Variants in SLC12A7 observed in about 807,000 individuals in gnomAD.
SLC12A7 encodes the protein solute carrier family 12 member 7.
Under a neutral mutation model 120.6 loss-of-function variants are expected in SLC12A7, and 100 were observed. The observed-to-expected ratio is 0.83, with a 90% CI of 0.71 to 0.98. The LOEUF (loss-of-function observed/expected upper bound fraction) is 0.98. Among genes scored for constraint, SLC12A7 ranks in the 50% least tolerant of loss-of-function variants. The probability of loss-of-function intolerance (pLI) is 0.00; values close to 1 mark genes in which losing one functional copy is unlikely to be tolerated. For synonymous variants in SLC12A7, 760 were observed against 678.0 expected (o/e 1.12, Z -1.88); for missense variants, 1,373 against 1,548.1 (o/e 0.89, Z 1.90).
rs113012432 is a variant in SLC12A7, at chr5:1,103,925, G to A, written c.124+7943C>T. Among the ~76,000 whole-genome samples, 1,430 of 152,330 alleles carry A rather than the reference G, an allele frequency of 9.4e-3. 18 individuals carry two copies. Among genetic ancestry groups the A allele is most frequent in the African/African-American group, 0.032 (1,342 of 41,564 alleles). On this transcript the variant is annotated intron_variant, in intron 1 of 23. Coordinates refer to ENST00000264930, the MANE Select transcript of SLC12A7 (RefSeq NM_006598.3). ...GACGTCTGAGCCATGGAGGGGCCGT[G>A]GGGTCCCCTAGTTCCAGAGACTCGG... is the stretch of plus-strand genomic sequence containing the variant.
chr5:1,111,952 C>T lies in SLC12A7; in HGVS notation c.40G>A (p.Ala14Thr). The change falls in exon 1 of 24, where the codon GCC becomes ACC. Residue 14 changes from alanine (A) to threonine (T), a missense_variant. Physicochemically the swap from Ala to Thr is moderately conservative, Grantham distance 58 (BLOSUM62 0). Coordinates refer to ENST00000264930, the MANE Select transcript of SLC12A7 (RefSeq NM_006598.3). ...GCAGTCTCGTCCCCGCCGCCGTCGG[C>T]GTGAGCCTCCACGGGCACCACGGTG... Reference protein sequence around the residue: ...NFTVVPVEAHADGGGDETAER... With the variant: ...NFTVVPVEAHTDGGGDETAER... 7.7e-7 allele frequency: 1 copy of T among 1,295,274 alleles called. No homozygotes were observed. The highest frequency in any genetic ancestry group is 9.8e-7 in the Non-Finnish European group (1 of 1,021,736). 80.2% of individuals were successfully genotyped at this position (1,295,274 alleles called of 1,614,324 possible).
the SLC12A7 span, among the ~76,000 whole-genome samples, chr5:1,139,559 T>C: frequency 6.6e-6 from 1 of 152,228 alleles, no homozygotes. Context: ...GAACCGAGGT[T>C]GCCTCGAGAA....
Position 1,083,908 on chromosome 5 carries a change from G to C in SLC12A7, c.966C>G (p.Ala322=). The change falls in exon 8 of 24, where the codon GCC becomes GCG. Residue 322 remains alanine, a synonymous_variant. Transcript: ENST00000264930. ...NRTLSRRSFD[A]CVKAYGIHNN... is the part of the protein sequence containing the mutation. ...TGTGGATGCCGTAGGCCTTGACGCA[G>C]GCATCGAAGCTGCGCCGTGACAGCG... 6.2e-7 allele frequency: 1 copy of C among 1,607,776 alleles called. No individual in the cohort carries two copies. The highest frequency in any genetic ancestry group is 8.5e-7 in the Non-Finnish European group (1 of 1,179,408).
At chr5:1,077,382 T>C (rs1035008363) in intron 12 of SLC12A7, among the ~76,000 whole-genome samples, 15 of 152,194 alleles carry the variant, frequency 9.9e-5, no homozygotes, top group African/African-American at 3.6e-4. Context: ...TCGGCAGCTC[T>C]GGGCACAGCA....
chr5:1,141,016 G>T, the SLC12A7 span, among the ~76,000 whole-genome samples: 2 of 152,154 alleles, frequency 1.3e-5, no homozygotes, highest in Non-Finnish European at 2.9e-5. Flanking sequence ...ATACCAATAC[G>T]CTCGGGCCGC....
At chr5:1,062,832 C>G (rs548155116) in intron 20 of SLC12A7, 2 of 154,590 alleles carry the variant, frequency 1.3e-5, no homozygotes, top group East Asian at 3.9e-4. Flanking sequence ...GCACCCACCT[C>G]CAGGAGTCCA....
chr5:1,132,610 G>A, the SLC12A7 span, among the ~76,000 whole-genome samples: 2 of 152,138 alleles, frequency 1.3e-5, no homozygotes, highest in East Asian at 3.9e-4. Flanking sequence ...CCTGACTCAT[G>A]AAGAACCCTT....
In SLC12A7 at chr5:1,083,962, C is replaced by T. The variant is rs1324671889; in HGVS notation, c.918-6G>A. On this transcript the variant is annotated splice_region_variant and splice_polypyrimidine_tract_variant and intron_variant, in intron 7 of 23. Coordinates refer to ENST00000264930, the MANE Select transcript of SLC12A7 (RefSeq NM_006598.3). ...GGTTCCCCAGGAGGCAGACCCTGGG[C>T]GGGACAGGGAGGCACGGCACGTGTG... The T allele has an allele frequency of 1.3e-5, 20 of 1,599,034 alleles. No individual in the cohort carries two copies. The highest frequency in any genetic ancestry group is 2.7e-5 in the African/African-American group (2 of 74,856).
intron 5 of SLC12A7, among the ~76,000 whole-genome samples, chr5:1,087,918 T>C (rs1171994482): frequency 6.6e-6 from 1 of 152,238 alleles, no homozygotes; most frequent in Non-Finnish European, 1.5e-5. Flanking sequence ...AATTAACTTA[T>C]TACTAATTAA....
chr5:1,094,232 T>C lies in SLC12A7; in HGVS notation c.141A>G (p.Arg47=), dbSNP rs1740858908. 6.2e-7 allele frequency: 1 copy of C among 1,613,320 alleles called. No homozygotes were observed. Among genetic ancestry groups the C allele is most frequent in the Admixed American group, 1.7e-5 (1 of 60,030 alleles). The part of the protein sequence containing the change: ...ERPSPGDGNP[R]ENSPFLNNVE... Reference sequence around the variant, plus strand: ...CATTGTTGAGGAATGGGCTGTTTTCTCTTGGATTTCCATCTCCTAGTGAGG... The same window carrying C: ...CATTGTTGAGGAATGGGCTGTTTTCCCTTGGATTTCCATCTCCTAGTGAGG... The change falls in exon 2 of 24, where the codon AGA becomes AGG. Residue 47 remains arginine, a synonymous_variant. Coordinates refer to ENST00000264930, the MANE Select transcript of SLC12A7 (RefSeq NM_006598.3).
chr5:1,085,529 G>A (rs1367340687), intron 6 of SLC12A7, 56 bp from the exon 7 acceptor site: 38 of 1,512,108 alleles, frequency 2.5e-5, no homozygotes, highest in South Asian at 3.9e-5. Context: ...CCCAGTGCCC[G>A]TCCCTCCCGC....
chr5:1,144,908 A>G, the SLC12A7 span, among the ~76,000 whole-genome samples: 1 of 152,258 alleles, frequency 6.6e-6, no homozygotes, highest in South Asian at 2.1e-4. Flanking sequence ...CCAGTGTTCA[A>G]TTCCCATGGC....
chr5:1,102,920 G>C (rs180845681), intron 1 of SLC12A7, among the ~76,000 whole-genome samples: 18 of 152,150 alleles, frequency 1.2e-4, no homozygotes, highest in African/African-American at 4.1e-4. Flanking sequence ...CTGTGAAGGC[G>C]CGAGGACCCA....
chr5:1,060,625 G>A (rs1187919379), intron 20 of SLC12A7, among the ~76,000 whole-genome samples, 174 bp from the exon 21 acceptor site: 2 of 152,200 alleles, frequency 1.3e-5, no homozygotes, highest in African/African-American at 2.4e-5. Flanking sequence ...CCAGGAAGGT[G>A]TGAGCGCACG....
rs1561068474 is a variant in SLC12A7, at chr5:1,080,226, CGGCGCGGAGACACCAGGAGCCACGCAGA to C, written c.1298-758_1298-731del. Among the ~76,000 whole-genome samples the C allele has an allele frequency of 7.2e-3, 63 of 8,734 alleles. 14 individuals are homozygous for C. Among genetic ancestry groups the C allele is most frequent in the East Asian group, 0.062 (2 of 32 alleles). 5.7% of individuals were successfully genotyped at this position (8,734 alleles called of 152,430 possible). A position where few individuals can be genotyped will look rare whatever the true frequency, so the allele number is the denominator to read the frequency against. On this transcript the variant is annotated intron_variant, in intron 9 of 23. Coordinates refer to ENST00000264930, the MANE Select transcript of SLC12A7 (RefSeq NM_006598.3). ...GCTCTACCCCCACGCCCTCCACCCG[CGGCGCGGAGACACCAGGAGCCACGCAGA>C]GGCTCTGCCCCCACGCCCTCCACCC...
At chr5:1,123,951 C>T in the SLC12A7 span, among the ~76,000 whole-genome samples, 1 of 152,244 alleles carries the variant, frequency 6.6e-6, no homozygotes, top group Non-Finnish European at 1.5e-5. Context: ...ATCACGAGGT[C>T]AGGCCAATAC....
At chr5:1,055,118 G>A (rs1201850268) in intron 22 of SLC12A7, among the ~76,000 whole-genome samples, 3 of 151,952 alleles carry the variant, frequency 2.0e-5, no homozygotes, top group East Asian at 1.9e-4. Flanking sequence ...GCACAGACAC[G>A]CACACTAATG....
chr5:1,136,699 A>G, the SLC12A7 span, among the ~76,000 whole-genome samples: 1 of 139,648 alleles, frequency 7.2e-6, no homozygotes, highest in South Asian at 2.5e-4. Context: ...ACGTGCTCAG[A>G]CACCAACACC....
At chr5:1,131,708 C>A in the SLC12A7 span, among the ~76,000 whole-genome samples, 2 of 152,226 alleles carry the variant, frequency 1.3e-5, no homozygotes, top group African/African-American at 4.8e-5. Flanking sequence ...ATCCCCAGAG[C>A]CTTGCCTAGC....
Sources: gnomAD v4.1 joint callset for allele counts (sites outside exome capture counted in the v4.1 genomes callset) on GRCh38, gnomAD v4.1.1 for gene constraint, MANE v1.5 for transcripts, NCBI Gene and HGNC (gene_info 2026-07-23, HGNC 2026-07-21) for gene names.